DIP2A: variants seen among roughly 807,000 people sequenced by gnomAD.
DIP2A encodes the protein DIP2 acetate--CoA ligase A.
Under a neutral mutation model 177.4 loss-of-function variants are expected in DIP2A, and 85 were observed. The observed-to-expected ratio is 0.48, with a 90% confidence interval of 0.40 to 0.57. The LOEUF is 0.57. DIP2A is among the 20% of genes least tolerant of loss of function. The pLI, the probability that DIP2A is intolerant of heterozygous loss-of-function variation, is 0.00. For missense variants in DIP2A, 1,791 were observed against 2,100.2 expected (o/e 0.85, Z 2.88); for synonymous variants, 886 against 881.8 (o/e 1.00, Z -0.08).
At chr21:46,554,073 C>T (rs978912669) in intron 25 of DIP2A, 96 bp from the exon 26 acceptor site, 55 of 1,453,162 alleles carry the variant, frequency 3.8e-5, no homozygotes, top group Middle Eastern at 1.8e-4. Context: ...CACAAGGTGT[C>T]GTGTGCAGTG....
the DIP2A span, among the ~76,000 whole-genome samples, chr21:46,583,610 G>A: frequency 6.6e-6 from 1 of 152,212 alleles, no homozygotes; most frequent in Admixed American, 6.5e-5. Context: ...GGTGTCGGGA[G>A]GTGGGAACTT....
intron 1 of DIP2A, among the ~76,000 whole-genome samples, chr21:46,460,317 A>G (rs1178551594): frequency 5.3e-5 from 8 of 152,296 alleles, no homozygotes; most frequent in Admixed American, 2.0e-4. Context: ...GTGTCCTGAT[A>G]TTCCTTTTGG....
chr21:46,542,546 T>C (rs1045961895), intron 18 of DIP2A, among the ~76,000 whole-genome samples: 6 of 152,254 alleles, frequency 3.9e-5, no homozygotes, highest in African/African-American at 1.4e-4. Context: ...TCTGTAGGCC[T>C]GACCGTCATG....
At chr21:46,530,125 G>A (rs1038525843) in intron 9 of DIP2A, among the ~76,000 whole-genome samples, 1 of 152,184 alleles carries the variant, frequency 6.6e-6, no homozygotes, top group African/African-American at 2.4e-5. Flanking sequence ...ACTACTGTAG[G>A]CAAGCTGGAC....
intron 3 of DIP2A, among the ~76,000 whole-genome samples, chr21:46,495,123 A>T (rs1322547605): frequency 1.3e-5 from 2 of 150,602 alleles, no homozygotes; most frequent in East Asian, 3.9e-4. Context: ...TCTGTACTTC[A>T]TCTCTCTCTC....
At chr21:46,566,467 C>A in intron 36 of DIP2A, 93 bp from the exon 37 acceptor site, 2 of 1,549,536 alleles carry the variant, frequency 1.3e-6, no homozygotes, top group Non-Finnish European at 1.8e-6. Flanking sequence ...CCTCCCTGTG[C>A]CTGAGAGCCC....
chr21:46,501,235 G>T (rs1300626073), intron 5 of DIP2A, among the ~76,000 whole-genome samples: 2 of 152,152 alleles, frequency 1.3e-5, no homozygotes, highest in African/African-American at 2.4e-5. Context: ...ATCAGGTAAA[G>T]ATAATTTTTA....
downstream of DIP2A, among the ~76,000 whole-genome samples, chr21:46,574,343 G>T (rs2060981506): frequency 6.6e-6 from 1 of 152,086 alleles, no homozygotes; most frequent in Admixed American, 6.6e-5. Context: ...CAGTGCTAAA[G>T]AAGCAATTTA....
chr21:46,497,180 C>T, intron 4 of DIP2A, 73 bp downstream of exon 4: 1 of 1,527,470 alleles, frequency 6.5e-7, no homozygotes, highest in Non-Finnish European at 8.8e-7. Context: ...TATTTACTTC[C>T]CATTGAGTTG....
rs543755097 is a variant in DIP2A, at chr21:46,546,383, A to G, written c.2394+422A>G. 4 of 942,300 alleles carry G rather than the reference A, an allele frequency of 4.2e-6. No homozygotes were observed. In the South Asian group the frequency reaches 1.3e-4, roughly 31 times the overall value. 58.4% of individuals were successfully genotyped at this position (942,300 alleles called of 1,614,324 possible). A position where few individuals can be genotyped will look rare whatever the true frequency, so the allele number is the denominator to read the frequency against. On this transcript the variant is annotated intron_variant, in intron 20 of 37. Transcript: ENST00000417564. ...AGGGGACTTCTGGCAACTTTTGAAG[A>G]CATTTTTGCTTGTCACAACTCAAGG...
At chr21:46,510,885 G>A (rs570542343) in intron 7 of DIP2A, among the ~76,000 whole-genome samples, 4 of 152,068 alleles carry the variant, frequency 2.6e-5, no homozygotes, top group East Asian at 1.9e-4. Flanking sequence ...CACCCGCCTC[G>A]GCCTCCCAAA....
intron 33 of DIP2A, chr21:46,561,071 T>C (rs2060646575): frequency 7.5e-6 from 7 of 935,982 alleles, no homozygotes; most frequent in Non-Finnish European, 8.9e-6. Context: ...TTAACATCCC[T>C]TTATCTGTCA....
At chr21:46,561,966 G>T in intron 34 of DIP2A, 161 bp downstream of exon 34, 1 of 954,986 alleles carries the variant, frequency 1.0e-6, no homozygotes, top group African/African-American at 1.8e-5. Context: ...CCTCCTTTGT[G>T]GCTGGTATAT....
intron 1 of DIP2A, among the ~76,000 whole-genome samples, chr21:46,471,097 A>G (rs546246911): frequency 2.6e-5 from 4 of 152,206 alleles, no homozygotes; most frequent in Admixed American, 6.5e-5. Flanking sequence ...GTGCAGTAGC[A>G]CTATCATAGC....
At chr21:46,561,891 C>T (rs886692333) in intron 34 of DIP2A, 86 bp downstream of exon 34, 16 of 1,572,914 alleles carry the variant, frequency 1.0e-5, no homozygotes, top group Middle Eastern at 1.9e-4. Flanking sequence ...CTGGGGGCTG[C>T]GGCTCTGATG....
chr21:46,515,345 A>G (rs1437262614), intron 8 of DIP2A, among the ~76,000 whole-genome samples: 1 of 152,100 alleles, frequency 6.6e-6, no homozygotes, highest in Non-Finnish European at 1.5e-5. Flanking sequence ...CAATCTTGCT[A>G]CCTGTCTTTT....
At chr21:46,528,468 A>C (rs2059201316) in intron 8 of DIP2A, among the ~76,000 whole-genome samples, 1 of 134,488 alleles carries the variant, frequency 7.4e-6, no homozygotes, top group Non-Finnish European at 1.5e-5. Flanking sequence ...ATAGCTGTAT[A>C]TATATGCACA....
chr21:46,538,447 T>C, intron 15 of DIP2A, 36 bp from the exon 16 acceptor site: 2 of 1,536,724 alleles, frequency 1.3e-6, no homozygotes. Context: ...CCAGTCCTTG[T>C]GACGCAGGGA....
Position 46,563,905 on chromosome 21 carries a change from A to T in DIP2A, c.4137A>T (p.Gly1379=), listed in dbSNP as rs754084145. Residue 1379 remains glycine (G), a synonymous_variant, in exon 35 of 38, where the codon GGA becomes GGT. Transcript: ENST00000417564. The surrounding 1 kb of genome is among the most constrained non-coding windows in gnomAD (Gnocchi z 4.3). ...TCATCGCACACACCGAGACCAAAGG[A>T]CCCTTGGGAGACTCACACCTGGGAG... The part of the protein sequence containing the change: ...KVIIAHTETK[G]PLGDSHLGEI... 1 of 1,612,840 alleles carries T rather than the reference A, an allele frequency of 6.2e-7. No homozygotes were observed. The highest frequency in any genetic ancestry group is 1.1e-5 in the South Asian group (1 of 90,970).
Sources: gnomAD v4.1 joint callset for allele counts (sites outside exome capture counted in the v4.1 genomes callset) on GRCh38, gnomAD v4.1.1 for gene constraint, Gnocchi (gnomAD v3.1) non-coding constraint, MANE v1.5 for transcripts, NCBI Gene and HGNC (gene_info 2026-07-23, HGNC 2026-07-21) for gene names.